Variants in DDB1 observed in about 807,000 individuals in gnomAD.
DDB1 encodes DNA damage-binding protein 1.
In DDB1, 18 loss-of-function variants were observed where a neutral mutation model predicts 133.1. The observed-to-expected ratio is 0.14, with a 90% CI of 0.09 to 0.20. The LOEUF (loss-of-function observed/expected upper bound fraction) is 0.20. Among genes scored for constraint, DDB1 ranks in the 10% least tolerant of loss-of-function variants. The pLI, the probability that DDB1 is intolerant of heterozygous loss-of-function variation, is 1.00. For missense variants in DDB1, 828 were observed against 1,459.2 expected (o/e 0.57, Z 7.05); for synonymous variants, 580 against 550.5 (o/e 1.05, Z -0.75).
rs760218769 is a variant in DDB1 at position 61,322,417 on chromosome 11, TAAGA to T, written c.1006-9_1006-6del. On this transcript the variant is annotated splice_region_variant and splice_polypyrimidine_tract_variant and intron_variant, in intron 8 of 26. Transcript: ENST00000301764. ...TTCATTACTGTCAACGTTGAGCTAATAAGAAAGAACAATGTTATGTTAGTCCTAG... is the reference window on the plus strand; with the variant it reads ...TTCATTACTGTCAACGTTGAGCTAATAAGAACAATGTTATGTTAGTCCTAG... 11 of 1,607,606 alleles carry T rather than the reference TAAGA, an allele frequency of 6.8e-6. No individual in the cohort carries two copies. Among genetic ancestry groups the T allele is most frequent in the African/African-American group, 1.3e-5 (1 of 74,772 alleles).
At chr11:61,322,970 G>A in intron 8 of DDB1, 41 bp downstream of exon 8, 1 of 1,529,256 alleles carries the variant, frequency 6.5e-7, no homozygotes, top group Non-Finnish European at 9.0e-7. Context: ...AAGAAACAGT[G>A]AGTACAGCAA....
chr11:61,319,440 T>C (rs1856140326), intron 10 of DDB1, among the ~76,000 whole-genome samples: 1 of 146,314 alleles, frequency 6.8e-6, no homozygotes, highest in Non-Finnish European at 1.5e-5. Context: ...TTTTTTTTTC[T>C]TTTTTTTTTT....
chr11:61,332,991 C>T lies in DDB1; in HGVS notation c.-23G>A. 6.7e-7 allele frequency: 1 copy of T among 1,490,634 alleles called. No individual in the cohort carries two copies. Among genetic ancestry groups the T allele is most frequent in the Non-Finnish European group, 9.0e-7 (1 of 1,111,368 alleles). The allele number at this position is 1,490,634 out of a possible 1,614,324, so 92.3% of individuals were successfully genotyped here. A position where few individuals can be genotyped will look rare whatever the true frequency, so the allele number is the denominator to read the frequency against. On this transcript the variant is annotated 5_prime_UTR_variant, in exon 1 of 27. Transcript: ENST00000301764. ...CATGTCGAGGCTTGGAGCGGCCCGT[C>T]GGGACTCGAGCGCGACACTAGAAAG...
chr11:61,329,703 G>T, intron 3 of DDB1, 119 bp from the exon 4 acceptor site: 1 of 937,396 alleles, frequency 1.1e-6, no homozygotes, highest in Non-Finnish European at 1.6e-6. Context: ...GGATCTATTT[G>T]ATAGGCCAAA....
intron 25 of DDB1, 112 bp downstream of exon 25, chr11:61,302,145 T>C: frequency 1.1e-6 from 1 of 913,174 alleles, no homozygotes; most frequent in Non-Finnish European, 1.7e-6. Flanking sequence ...AAAAAACCTG[T>C]TCTGTACAGG....
rs547823268 is a variant in DDB1, at chr11:61,332,115, G to C, written c.62-424C>G. On this transcript the variant is annotated intron_variant, in intron 1 of 26. Transcript: ENST00000301764. ...CTGACAGACCAAGTCAAATGAAGAA[G>C]TCCCAGAGCTTTATATGAAAACACT... 730 of 147,962 alleles carry C rather than the reference G, an allele frequency of 4.9e-3. 10 individuals are homozygous for C. The highest frequency in any genetic ancestry group is 0.017 in the African/African-American group (682 of 39,060). The allele number at this position is 147,962 out of a possible 1,614,324, so 9.2% of individuals were successfully genotyped here. A position where few individuals can be genotyped will look rare whatever the true frequency, so the allele number is the denominator to read the frequency against.
intron 10 of DDB1, 128 bp from the exon 11 acceptor site, chr11:61,316,695 G>C: frequency 1.0e-6 from 1 of 981,618 alleles, no homozygotes; most frequent in Non-Finnish European, 1.6e-6. Flanking sequence ...GCAGAGGCAG[G>C]AGGACTGCTT....
chr11:61,325,715 G>A lies in DDB1; in HGVS notation c.665-7C>T, dbSNP rs778712531. The A allele has an allele frequency of 6.2e-7, 1 of 1,609,174 alleles. No individual in the cohort carries two copies. The highest frequency in any genetic ancestry group is 1.3e-5 in the African/African-American group (1 of 74,858). On this transcript the variant is annotated splice_polypyrimidine_tract_variant and splice_region_variant and intron_variant, in intron 5 of 26. Transcript: ENST00000301764. ...CCCCCAAAGGGCTCTGGGACTGCAG[G>A]AAAGACAGCAAAATTAGAATGCTCA...
In DDB1 at chr11:61,316,946, G is replaced by GATATATAT. The variant is rs58564398; in HGVS notation, c.1226-387_1226-380dup. Among the ~76,000 whole-genome samples the GATATATAT allele has an allele frequency of 1.4e-3, 41 of 29,018 alleles. 1 individual carries two copies. The highest frequency in any genetic ancestry group is 7.4e-3 in the East Asian group (3 of 408). The allele number at this position is 29,018 out of a possible 152,430, so 19.0% of individuals were successfully genotyped here. A position where few individuals can be genotyped will look rare whatever the true frequency, so the allele number is the denominator to read the frequency against. On this transcript the variant is annotated intron_variant, in intron 10 of 26. Coordinates refer to ENST00000301764, the MANE Select transcript of DDB1 (RefSeq NM_001923.5). ...AAAAAAAAAAAAAAAAAAAAGGATA[G>GATATATAT]ATATATATATATATATATATATATA...
At chr11:61,319,144 T>A (rs547527083) in intron 10 of DDB1, among the ~76,000 whole-genome samples, 34 of 152,284 alleles carry the variant, frequency 2.2e-4, no homozygotes, top group Admixed American at 1.4e-3. Context: ...ATATTGAGGC[T>A]ATGGTAAGCC....
intron 6 of DDB1, chr11:61,324,527 GTTC>G (rs1323223766): frequency 2.1e-5 from 4 of 188,504 alleles, no homozygotes; most frequent in Non-Finnish European, 4.5e-5. Context: ...CACAGATTTT[GTTC>G]TTTTTTTTAA....
intron 4 of DDB1, among the ~76,000 whole-genome samples, chr11:61,328,574 G>T (rs1482405081): frequency 6.6e-6 from 1 of 152,156 alleles, no homozygotes; most frequent in African/African-American, 2.4e-5. Context: ...TAAAATAGAA[G>T]TTAAGAGCCA....
intron 10 of DDB1, among the ~76,000 whole-genome samples, chr11:61,321,082 A>G (rs1270859706): frequency 3.3e-5 from 5 of 152,038 alleles, no homozygotes; most frequent in Non-Finnish European, 7.4e-5. Flanking sequence ...GATGAGGTCT[A>G]CGTTGCCTAG....
At chr11:61,300,603 C>A (rs1321055081) in intron 26 of DDB1, among the ~76,000 whole-genome samples, 1 of 152,250 alleles carries the variant, frequency 6.6e-6, no homozygotes, top group Non-Finnish European at 1.5e-5. Context: ...GTTACTAGCA[C>A]AGCATCTGGT....
rs1275016133 is a variant in DDB1 at position 61,303,829 on chromosome 11, G to C, written c.2832+36C>G. ...GACACTTGCAGGGGCGGTGGCTCAA[G>C]CAAGAAGTCTGCTCGCATCCCCCCA... On this transcript the variant is annotated intron_variant, in intron 22 of 26. Coordinates refer to ENST00000301764, the MANE Select transcript of DDB1 (RefSeq NM_001923.5). 6.8e-6 allele frequency: 11 copies of C among 1,608,518 alleles called. No individual in the cohort carries two copies. The Middle Eastern group carries it at 5.4e-4, about 79-fold the overall frequency.
intron 25 of DDB1, chr11:61,301,404 A>T (rs1263022091): frequency 6.5e-6 from 1 of 153,282 alleles, no homozygotes; most frequent in East Asian, 1.9e-4. Flanking sequence ...CTCTACAAAA[A>T]ACAAAATTTT....
At position 61,316,946 on chromosome 11, in the gene DDB1, GATATATATATATATATATATATATATAT is replaced by G. The variant is rs58564398; in HGVS notation, c.1226-407_1226-380del. Among the ~76,000 whole-genome samples, 64 of 29,080 alleles carry G rather than the reference GATATATATATATATATATATATATATAT, an allele frequency of 2.2e-3. 1 individual carries two copies. The highest frequency in any genetic ancestry group is 0.012 in the East Asian group (5 of 410). The allele number at this position is 29,080 out of a possible 152,430, so 19.1% of individuals were successfully genotyped here. ...AAAAAAAAAAAAAAAAAAAAGGATA[GATATATATATATATATATATATATATAT>G]ATATATATATATATATATATATATA... On this transcript the variant is annotated intron_variant, in intron 10 of 26. Coordinates refer to ENST00000301764, the MANE Select transcript of DDB1 (RefSeq NM_001923.5).
At chr11:61,311,316 CATAACACATAACATA>C (rs1458938197) in intron 18 of DDB1, 4 of 142,690 alleles carry the variant, frequency 2.8e-5, no homozygotes, top group African/African-American at 6.4e-5. Flanking sequence ...CATAACATAA[CATAACACATAACATA>C]ACATAACATA....
At chr11:61,326,233 A>G in intron 5 of DDB1, 1 of 217,040 alleles carries the variant, frequency 4.6e-6, no homozygotes, top group Non-Finnish European at 9.2e-6. Flanking sequence ...AATCATGGAC[A>G]GGCATGGGCA....
Sources: allele counts gnomAD v4.1 joint callset (sites outside exome capture counted in the v4.1 genomes callset), GRCh38; gene constraint gnomAD v4.1.1; transcripts MANE v1.5; gene names NCBI Gene and HGNC (gene_info 2026-07-23, HGNC 2026-07-21).